The following CEP170B variants were observed in gnomAD, a reference collection of about 807,000 sequenced individuals.
CEP170B encodes the protein centrosomal protein 170B, also known as centrosomal protein of 170 kDa protein B.
Under a neutral mutation model 120.6 loss-of-function variants are expected in CEP170B, and 55 were observed. The ratio of observed to expected loss-of-function variants is 0.46; its 90% CI spans 0.37 to 0.57. The LOEUF is 0.57. CEP170B is among the 20% of genes least tolerant of loss of function. The probability of loss-of-function intolerance (pLI) is 0.00; values close to 1 mark genes in which losing one functional copy is unlikely to be tolerated. For missense variants in CEP170B, 2,212 were observed against 2,253.3 expected, an observed-to-expected ratio of 0.98 and a Z score of 0.37; for synonymous variants, 1,033 against 954.5, an observed-to-expected ratio of 1.08 and a Z score of -1.52.
At position 104,872,457 on chromosome 14, in the gene CEP170B, CGTGTGGGTGTGCCGTGTGTGTG is replaced by C. The variant is rs1895613061; in HGVS notation, c.106-3798_106-3777del. 1.7e-5 allele frequency among the ~76,000 whole-genome samples: 2 copies of C among 117,746 alleles called. 1 individual carries two copies. The highest frequency in any genetic ancestry group is 7.1e-5 in the African/African-American group (2 of 28,184). The allele number at this position is 117,746 out of a possible 152,430, so 77.2% of individuals were successfully genotyped here. ...TGTGCGTGTGTGTGCCATGTGTGTG[CGTGTGGGTGTGCCGTGTGTGTG>C]CGTGTGTGCCGTGTGTGTGTGCGTG... On this transcript the variant is annotated intron_variant, in intron 2 of 18. Coordinates refer to ENST00000414716, the MANE Select transcript of CEP170B (RefSeq NM_001112726.3).
Position 104,889,712 on chromosome 14 carries a change from C to G in CEP170B, c.3832C>G (p.Pro1278Ala). 1 of 1,610,760 alleles carries G rather than the reference C, an allele frequency of 6.2e-7. No individual in the cohort carries two copies. The highest frequency in any genetic ancestry group is 1.1e-5 in the South Asian group (1 of 90,998). Residue 1278 changes from proline (P) to alanine (A), a missense_variant, in exon 13 of 19, where the codon CCT becomes GCT. Around this residue, in one of 2 missense-constraint regions of CEP170B, gnomAD observed 2,166 missense variants for 2,166.7 expected, o/e 1.00. Coordinates refer to ENST00000414716, the MANE Select transcript of CEP170B (RefSeq NM_001112726.3). Reference protein sequence around the residue: ...DTDDDEEEPDPYGFIVQTAEI... With the variant: ...DTDDDEEEPDAYGFIVQTAEI... Reference sequence around the variant, plus strand: ...GGACGACGATGAGGAGGAGCCTGACCCTTATGGTTTCATCGTGCAGACGGC... The same window carrying G: ...GGACGACGATGAGGAGGAGCCTGACGCTTATGGTTTCATCGTGCAGACGGC...
intron 6 of CEP170B, among the ~76,000 whole-genome samples, chr14:104,881,858 C>T (rs554002937): frequency 3.9e-5 from 6 of 152,116 alleles, no homozygotes; most frequent in African/African-American, 2.4e-5. Flanking sequence ...GCATCCCCAG[C>T]GCAGTGTGCA....
rs376693361 is a variant in CEP170B, at chr14:104,884,148, C to T, written c.1369C>T (p.Arg457Cys). The T allele has an allele frequency of 7.1e-6, 11 of 1,555,808 alleles. No individual in the cohort carries two copies. Among genetic ancestry groups the T allele is most frequent in the African/African-American group, 4.1e-5 (3 of 73,384 alleles). The change falls in exon 9 of 19, where the codon CGC becomes TGC. Residue 457 changes from arginine (R) to cysteine (C), a missense_variant. Transcript: ENST00000414716. ...SVPAPVQAGG[R>C]SSGPQRAGSL... Reference sequence around the variant, plus strand: ...CCCAGCCCCAGTCCAGGCAGGGGGCCGCAGCTCGGGGCCACAGAGGGCCGG... The same window carrying T: ...CCCAGCCCCAGTCCAGGCAGGGGGCTGCAGCTCGGGGCCACAGAGGGCCGG...
At chr14:104,886,202 A>G (rs1331636073) in intron 11 of CEP170B, 72 bp downstream of exon 11, 2 of 1,472,136 alleles carry the variant, frequency 1.4e-6, no homozygotes, top group Non-Finnish European at 1.8e-6. Flanking sequence ...CCACGGACAC[A>G]GGCTGCCTCT....
At chr14:104,877,836 A>ACCCCC in intron 3 of CEP170B, 49 bp from the exon 4 acceptor site, 1 of 237,034 alleles carries the variant, frequency 4.2e-6, no homozygotes, top group Non-Finnish European at 6.7e-6. Context: ...GCCCACAGCC[A>ACCCCC]CCCACCCGCG....
chr14:104,866,136 C>T (rs1308115263), intron 1 of CEP170B, among the ~76,000 whole-genome samples: 2 of 152,232 alleles, frequency 1.3e-5, no homozygotes, highest in Non-Finnish European at 2.9e-5. Context: ...CAACGATGGC[C>T]AGCCCAGCCC....
chr14:104,876,107 G>T, intron 2 of CEP170B, 149 bp from the exon 3 acceptor site: 1 of 717,000 alleles, frequency 1.4e-6, no homozygotes, highest in Non-Finnish European at 2.4e-6. Flanking sequence ...TCCTGCTCTG[G>T]AGACAGGGTG....
At chr14:104,881,268 C>T (rs941672291) in intron 6 of CEP170B, among the ~76,000 whole-genome samples, 1 of 152,010 alleles carries the variant, frequency 6.6e-6, no homozygotes, top group Non-Finnish European at 1.5e-5. Context: ...TGAGAAAGTG[C>T]CTGGTGGGGT....
chr14:104,879,726 C>T lies in CEP170B; in HGVS notation c.334-561C>T, dbSNP rs971269447. ...GGGTGGGCATCCTTGCGTGCCCTTT[C>T]CCCGGTGTGCTGGCGACACGCACAG... On this transcript the variant is annotated intron_variant, in intron 5 of 18. Coordinates refer to ENST00000414716, the MANE Select transcript of CEP170B (RefSeq NM_001112726.3). Among the ~76,000 whole-genome samples the T allele has an allele frequency of 7.2e-5, 11 of 152,164 alleles. No individual in the cohort carries two copies. In the East Asian group the frequency reaches 2.1e-3, roughly 29 times the overall value.
At position 104,880,402 on chromosome 14, in the gene CEP170B, A is replaced by G. The variant is rs929988178; in HGVS notation, c.449A>G (p.Lys150Arg). ...GAGGCCTCGAACCCCAGGCCGGAGA[A>G]GGGGGACCGGAGACCAGGAACAGGT... The part of the protein sequence containing the change: ...YCEASNPRPE[K>R]GDRRPGTEAA... The change falls in exon 6 of 19, where the codon AAG becomes AGG. Residue 150 changes from lysine (K) to arginine (R), a missense_variant. This residue lies in a region of CEP170B where 2,166 missense variants were observed against 2,166.7 expected (regional missense o/e 1.00). Transcript: ENST00000414716. The G allele has an allele frequency of 3.1e-6, 5 of 1,612,598 alleles. No individual in the cohort carries two copies. The highest frequency in any genetic ancestry group is 3.3e-5 in the Admixed American group (2 of 59,972).
At position 104,886,747 on chromosome 14, in the gene CEP170B, C is replaced by G. The variant is rs1896536635; in HGVS notation, c.2508C>G (p.Val836=). 2.5e-6 allele frequency: 4 copies of G among 1,611,238 alleles called. No individual in the cohort carries two copies. The highest frequency in any genetic ancestry group is 3.4e-6 in the Non-Finnish European group (4 of 1,179,250). The stretch of plus-strand genomic sequence containing the variant: ...CCAGCCCCCCAGCACGGGATGGCGT[C>G]TATGTCAGTGCCAATGGGAGAATGG... ...AQPSPPARDG[V]YVSANGRMVI... The change falls in exon 12 of 19, where the codon GTC becomes GTG. Residue 836 remains valine (V), a synonymous_variant. Transcript: ENST00000414716.
intron 16 of CEP170B, 136 bp from the exon 17 acceptor site, chr14:104,894,149 G>A: frequency 1.4e-6 from 1 of 722,728 alleles, no homozygotes; most frequent in Non-Finnish European, 2.4e-6. Flanking sequence ...TCATGCATCA[G>A]GCCTCAGTTT....
rs79231045 is a variant in CEP170B, at chr14:104,883,426, G to A, written c.969G>A (p.Pro323=). The change falls in exon 8 of 19, where the codon CCG becomes CCA. Residue 323 remains proline, a synonymous_variant. Coordinates refer to ENST00000414716, the MANE Select transcript of CEP170B (RefSeq NM_001112726.3). The part of the protein sequence containing the change: ...KVADWLVQND[P]SLLHRVGPGD... The stretch of plus-strand genomic sequence containing the variant: ...CCGACTGGCTGGTGCAGAATGACCC[G>A]AGCCTGCTGCACCGGGTTGGCCCTG... 3.2e-4 allele frequency: 509 copies of A among 1,571,582 alleles called. 5 individuals are homozygous for A. The East Asian group carries it at 8.5e-3, about 26-fold the overall frequency.
At position 104,893,005 on chromosome 14, in the gene CEP170B, C is replaced by A; in HGVS notation, c.3908C>A (p.Ala1303Asp). Residue 1303 changes from alanine to aspartate, a missense_variant, in exon 14 of 19, where the codon GCC (alanine) becomes GAC (aspartate). Coordinates refer to ENST00000414716, the MANE Select transcript of CEP170B (RefSeq NM_001112726.3). ...RLSQTLVKDV[A>D]ILAQEIHDVA... Reference sequence around the variant, plus strand: ...AGCCAGACGCTGGTGAAGGACGTGGCCATCCTAGCCCAGGAGATCCACGAT... The same window carrying A: ...AGCCAGACGCTGGTGAAGGACGTGGACATCCTAGCCCAGGAGATCCACGAT... The A allele has an allele frequency of 1.3e-6, 2 of 1,577,196 alleles. No individual in the cohort carries two copies. The highest frequency in any genetic ancestry group is 1.7e-6 in the Non-Finnish European group (2 of 1,162,794).
intron 3 of CEP170B, among the ~76,000 whole-genome samples, chr14:104,877,381 A>T (rs1895909362): frequency 6.6e-6 from 1 of 152,190 alleles, no homozygotes; most frequent in African/African-American, 2.4e-5. Flanking sequence ...TGATGCCCAC[A>T]GACCTGCCTC....
At chr14:104,890,536 G>A (rs1896780494) in intron 13 of CEP170B, among the ~76,000 whole-genome samples, 1 of 146,786 alleles carries the variant, frequency 6.8e-6, no homozygotes, top group South Asian at 2.2e-4. Context: ...ATGGATGAAT[G>A]GATGGATGGG....
At chr14:104,871,175 C>G (rs1045832654) in intron 2 of CEP170B, among the ~76,000 whole-genome samples, 6 of 152,174 alleles carry the variant, frequency 3.9e-5, no homozygotes, top group African/African-American at 1.4e-4. Context: ...GCTGCTTCCC[C>G]GAGGCCCTAT....
chr14:104,882,884 G>A, intron 7 of CEP170B, 52 bp downstream of exon 7: 1 of 1,555,640 alleles, frequency 6.4e-7, no homozygotes, highest in Non-Finnish European at 8.7e-7. Context: ...AGAGGGTGGT[G>A]TGTGAAGGGG....
chr14:104,882,797 T>C lies in CEP170B; in HGVS notation c.542T>C (p.Leu181Pro). 1 of 1,612,224 alleles carries C rather than the reference T, an allele frequency of 6.2e-7. No individual in the cohort carries two copies. Among genetic ancestry groups the C allele is most frequent in the Non-Finnish European group, 8.5e-7 (1 of 1,179,658 alleles). Reference protein sequence around the residue: ...SWWGEDDGSTLPDAQRQGEPY... With the variant: ...SWWGEDDGSTPPDAQRQGEPY... Reference sequence around the variant, plus strand: ...TGGGGTGAGGACGATGGTAGCACGCTGCCTGACGCCCAGCGCCAGGGAGAG... The same window carrying C: ...TGGGGTGAGGACGATGGTAGCACGCCGCCTGACGCCCAGCGCCAGGGAGAG... The change falls in exon 7 of 19, where the codon CTG becomes CCG. Residue 181 changes from leucine to proline, a missense_variant. This residue lies in a region of CEP170B where 2,166 missense variants were observed against 2,166.7 expected (regional missense o/e 1.00). Transcript: ENST00000414716.
Sources: gnomAD v4.1 joint callset for allele counts (sites outside exome capture counted in the v4.1 genomes callset) on GRCh38, gnomAD v4.1.1 for gene constraint, gnomAD v4.1.1 regional missense constraint, MANE v1.5 for transcripts, NCBI Gene and HGNC (gene_info 2026-07-23, HGNC 2026-07-21) for gene names.